ATM: variants seen among roughly 807,000 people sequenced by gnomAD.
ATM encodes the protein ATM serine/threonine kinase.
In ATM, 308 loss-of-function variants were observed where a neutral mutation model predicts 387.0. The observed-to-expected ratio is 0.80, with a 90% CI of 0.73 to 0.87. The LOEUF is 0.87. Among genes scored for constraint, ATM ranks in the 40% least tolerant of loss-of-function variants. The pLI is 0.00. For missense variants in ATM, 3,312 were observed against 3,560.9 expected (o/e 0.93, Z 1.78); for synonymous variants, 1,156 against 1,187.3 (o/e 0.97, Z 0.54).
chr11:108,265,122 G>GA (rs2081149996), intron 16 of ATM, among the ~76,000 whole-genome samples: 1 of 150,426 alleles, frequency 6.6e-6, no homozygotes. Context: ...CACAGAATTG[G>GA]AAAAAACTAC....
chr11:108,273,459 ATCC>A, intron 22 of ATM, among the ~76,000 whole-genome samples: 1 of 145,308 alleles, frequency 6.9e-6, no homozygotes, highest in Non-Finnish European at 1.5e-5. Context: ...CTCCTGCCTC[ATCC>A]TCCTGAGTAG....
Position 108,335,020 on chromosome 11 carries a change from G to A in ATM, c.8062G>A (p.Ala2688Thr), listed in dbSNP as rs1565540761. ...GNLVTIQSFKAEFRLAGGVNL... is the reference protein window; with the variant it reads ...GNLVTIQSFKTEFRLAGGVNL... Reference sequence around the variant, plus strand: ...TCTGGTGACTATACAGTCATTTAAAGCAGAATTTCGCTTAGCAGGAGGTGT... The same window carrying A: ...TCTGGTGACTATACAGTCATTTAAAACAGAATTTCGCTTAGCAGGAGGTGT... The change falls in exon 55 of 63, where the codon GCA (alanine) becomes ACA (threonine). Residue 2688 changes from alanine (A) to threonine (T), a missense_variant. Coordinates refer to ENST00000675843, the MANE Select transcript of ATM (RefSeq NM_000051.4). 1 of 1,613,942 alleles carries A rather than the reference G, an allele frequency of 6.2e-7. No homozygotes were observed. The highest frequency in any genetic ancestry group is 8.5e-7 in the Non-Finnish European group (1 of 1,179,876).
At chr11:108,332,371 G>A (rs2086356488) in intron 52 of ATM, among the ~76,000 whole-genome samples, 1 of 152,166 alleles carries the variant, frequency 6.6e-6, no homozygotes, top group Non-Finnish European at 1.5e-5. Context: ...GGCGGAGGTT[G>A]CAGTGAGCCA....
intron 50 of ATM, 126 bp downstream of exon 50, chr11:108,330,547 T>C: frequency 1.1e-6 from 1 of 925,194 alleles, no homozygotes; most frequent in South Asian, 1.4e-5. Flanking sequence ...TACACATAAG[T>C]AGCATTTTGT....
chr11:108,314,046 C>T (rs992603503), intron 40 of ATM, among the ~76,000 whole-genome samples: 2 of 152,124 alleles, frequency 1.3e-5, no homozygotes, highest in Non-Finnish European at 2.9e-5. Flanking sequence ...GAAAAATCCA[C>T]GACCTTTATT....
rs1064795297 is a variant in ATM, at chr11:108,245,012, A to C, written c.887A>C (p.Lys296Thr). ...TATATCCATCATCCGAAAGGAGCCAAAACCCAAGAAAAAGGTATAAAGGAA... is the reference window on the plus strand; with the variant it reads ...TATATCCATCATCCGAAAGGAGCCACAACCCAAGAAAAAGGTATAAAGGAA... Reference protein sequence around the residue: ...QIYIHHPKGAKTQEKGAYEST... With the variant: ...QIYIHHPKGATTQEKGAYEST... The change falls in exon 7 of 63, where the codon AAA becomes ACA. Residue 296 changes from lysine (K) to threonine (T), a missense_variant. By Grantham distance (78) the Lys-to-Thr change is moderately conservative. Coordinates refer to ENST00000675843, the MANE Select transcript of ATM (RefSeq NM_000051.4). The C allele has an allele frequency of 1.2e-6, 2 of 1,607,486 alleles. No individual in the cohort carries two copies. Among genetic ancestry groups the C allele is most frequent in the Admixed American group, 3.3e-5 (2 of 59,968 alleles).
chr11:108,310,577 TTTCTGTATATTCCCCATAATAGC>T (rs1158277105), intron 39 of ATM, among the ~76,000 whole-genome samples: 3 of 152,256 alleles, frequency 2.0e-5, no homozygotes, highest in Admixed American at 2.0e-4. Flanking sequence ...CATACTTAAT[TTTCTGTATATTCCCCATAATAGC>T]CCTAGCATTG....
chr11:108,347,832 A>G (rs1346942180), intron 59 of ATM, among the ~76,000 whole-genome samples: 1 of 152,190 alleles, frequency 6.6e-6, no homozygotes, highest in Non-Finnish European at 1.5e-5. Flanking sequence ...ACTATAGGAA[A>G]TAAATGAAGG....
At chr11:108,237,407 T>G (rs568166356) in intron 5 of ATM, among the ~76,000 whole-genome samples, 1 of 152,304 alleles carries the variant, frequency 6.6e-6, no homozygotes, top group South Asian at 2.1e-4. Flanking sequence ...CTTACTATAT[T>G]CTGTCATCTA....
At chr11:108,310,872 T>G (rs1224748196) in intron 39 of ATM, among the ~76,000 whole-genome samples, 1 of 152,148 alleles carries the variant, frequency 6.6e-6, no homozygotes. Flanking sequence ...AAGAATCTAA[T>G]AAATATACTC....
intron 16 of ATM, among the ~76,000 whole-genome samples, chr11:108,262,661 A>G (rs1362536364): frequency 6.6e-6 from 1 of 152,120 alleles, no homozygotes; most frequent in East Asian, 1.9e-4. Context: ...AATGGACTAA[A>G]TGCTCCAATT....
chr11:108,284,327 C>T lies in ATM; in HGVS notation c.3847C>T (p.Leu1283=), dbSNP rs2135706658. The T allele has an allele frequency of 6.2e-7, 1 of 1,613,992 alleles. No homozygotes were observed. The highest frequency in any genetic ancestry group is 8.5e-7 in the Non-Finnish European group (1 of 1,179,946). ...GATTCAAGAGGACTGGAAAAGTCTT[C>T]TAACAGACTGCTTTCCAAAGATTCT... ...NQIQEDWKSL[L]TDCFPKILVN... The change falls in exon 26 of 63, where the codon CTA becomes TTA. Residue 1283 remains leucine (L), a synonymous_variant. Transcript: ENST00000675843.
At position 108,282,892 on chromosome 11, in the gene ATM, A is replaced by G. The variant is rs777055245; in HGVS notation, c.3746+13A>G. 7 of 1,442,294 alleles carry G rather than the reference A, an allele frequency of 4.9e-6. No individual in the cohort carries two copies. Among genetic ancestry groups the G allele is most frequent in the Non-Finnish European group, 5.8e-6 (6 of 1,034,958 alleles). The allele number at this position is 1,442,294 out of a possible 1,614,324, so 89.3% of individuals were successfully genotyped here. ...AGGATTTCTATAGGTAAGTTTATAC[A>G]TGACATATGTGAAATTTGTTTAATT... is the stretch of plus-strand genomic sequence containing the variant. On this transcript the variant is annotated intron_variant, in intron 25 of 62. Coordinates refer to ENST00000675843, the MANE Select transcript of ATM (RefSeq NM_000051.4).
Position 108,327,488 on chromosome 11 carries a change from A to T in ATM, c.6976-157A>T. The stretch of plus-strand genomic sequence containing the variant: ...GATCATTTCCTACATGGGATTATTA[A>T]AATAGTTGTATGGCAAAAGCAGATG... On this transcript the variant is annotated intron_variant, in intron 47 of 62. Transcript: ENST00000675843. The T allele has an allele frequency of 6.5e-6, 4 of 613,164 alleles. No individual in the cohort carries two copies. The South Asian group carries it at 7.3e-5, about 11-fold the overall frequency. The allele number at this position is 613,164 out of a possible 1,614,324, so 38.0% of individuals were successfully genotyped here. A position where few individuals can be genotyped will look rare whatever the true frequency, so the allele number is the denominator to read the frequency against.
intron 61 of ATM, among the ~76,000 whole-genome samples, chr11:108,362,302 G>A (rs2090862577): frequency 6.6e-6 from 1 of 150,962 alleles, no homozygotes; most frequent in Non-Finnish European, 1.5e-5. Flanking sequence ...GGAAACAACA[G>A]GTGCTGGAGA....
In ATM at chr11:108,354,887, A is replaced by G. The variant is rs2089708352; in HGVS notation, c.8850+13A>G. 3.7e-6 allele frequency: 6 copies of G among 1,603,794 alleles called. No individual in the cohort carries two copies. In the South Asian group the frequency reaches 6.6e-5, roughly 18 times the overall value. On this transcript the variant is annotated intron_variant, in intron 61 of 62. Coordinates refer to ENST00000675843, the MANE Select transcript of ATM (RefSeq NM_000051.4). ...AACCATTGTAGAGGTAAAGTATTTT[A>G]TAAGGAAGACTTTATTTTTTTTCTT...
In ATM at chr11:108,279,480, CT is replaced by C. The variant is rs1799757; in HGVS notation, c.3285-9del. 0.13 allele frequency: 203,175 copies of C among 1,573,082 alleles called. 14,912 individuals are homozygous for C. The highest frequency in any genetic ancestry group is 0.14 in the Non-Finnish European group (163,210 of 1,147,538). ...CACTTTTTGTTTGTTTGTTTGCTTG[CT>C]TGTTTTAAGATTGTTCCAGGACACG... On this transcript the variant is annotated splice_polypyrimidine_tract_variant and intron_variant, in intron 22 of 62. Transcript: ENST00000675843.
chr11:108,312,323 T>G, intron 39 of ATM, 88 bp from the exon 40 acceptor site: 1 of 1,006,502 alleles, frequency 9.9e-7, no homozygotes, highest in South Asian at 1.4e-5. Flanking sequence ...CCTTCATTAG[T>G]TTTTTTCTGT....
chr11:108,224,345 A>G (rs1399871045), intron 1 of ATM: 1 of 152,224 alleles, frequency 6.6e-6, no homozygotes, highest in Non-Finnish European at 1.5e-5. Flanking sequence ...TATAAGCGTC[A>G]TTGTCAAGTT....
Sources: allele counts gnomAD v4.1 joint callset (sites outside exome capture counted in the v4.1 genomes callset), GRCh38; gene constraint gnomAD v4.1.1; transcripts MANE v1.5; gene names NCBI Gene and HGNC (gene_info 2026-07-23, HGNC 2026-07-21).